The following CTNNA3 variants were observed in gnomAD, a reference collection of about 807,000 sequenced individuals.
CTNNA3 encodes catenin alpha 3.
In CTNNA3, 76 loss-of-function variants were observed where a neutral mutation model predicts 95.7. That is an observed-to-expected ratio of 0.79 (90% CI 0.66 to 0.96). CTNNA3 has a LOEUF of 0.96. Among genes scored for constraint, CTNNA3 ranks in the 40% least tolerant of loss-of-function variants. The probability of loss-of-function intolerance (pLI) is 0.00; values close to 1 mark genes in which losing one functional copy is unlikely to be tolerated. For missense variants in CTNNA3, 1,191 were observed against 1,089.8 expected (o/e 1.09, Z -1.31); for synonymous variants, 431 against 374.4 (o/e 1.15, Z -1.74).
At chr10:66,144,227 T>G (rs1282801631) in intron 13 of CTNNA3, among the ~76,000 whole-genome samples, 2 of 152,218 alleles carry the variant, frequency 1.3e-5, no homozygotes, top group African/African-American at 4.8e-5. Context: ...ATGCATTTTT[T>G]CTTAAATTGA....
intron 1 of CTNNA3, among the ~76,000 whole-genome samples, chr10:67,662,794 T>C (rs2133530083): frequency 6.6e-6 from 1 of 152,236 alleles, no homozygotes; most frequent in Admixed American, 6.5e-5. Flanking sequence ...TCTATAACTG[T>C]ATATGGTTGT....
chr10:66,961,159 A>C (rs1849090923), intron 7 of CTNNA3, among the ~76,000 whole-genome samples: 1 of 152,292 alleles, frequency 6.6e-6, no homozygotes, highest in African/African-American at 2.4e-5. Flanking sequence ...TTACGAACAT[A>C]AACATTATCT....
chr10:67,615,322 C>G (rs1455531930), intron 2 of CTNNA3, among the ~76,000 whole-genome samples: 1 of 152,188 alleles, frequency 6.6e-6, no homozygotes, highest in Non-Finnish European at 1.5e-5. Context: ...GATGGCATAA[C>G]AAAGCAAAGA....
intron 13 of CTNNA3, among the ~76,000 whole-genome samples, chr10:66,237,357 T>C (rs1463462956): frequency 2.6e-5 from 4 of 152,164 alleles, no homozygotes; most frequent in African/African-American, 7.2e-5. Flanking sequence ...GGGGAATTGT[T>C]GTATTTGAAA....
chr10:66,866,750 T>C (rs933928407), intron 7 of CTNNA3, among the ~76,000 whole-genome samples: 4 of 151,972 alleles, frequency 2.6e-5, no homozygotes, highest in African/African-American at 9.7e-5. Flanking sequence ...AGCAAAATTA[T>C]CCTAACTCAA....
At chr10:66,592,476 T>C (rs1843586256) in intron 10 of CTNNA3, among the ~76,000 whole-genome samples, 1 of 152,104 alleles carries the variant, frequency 6.6e-6, no homozygotes. Context: ...TTTTCCATCC[T>C]GGTCACAAAT....
At chr10:67,623,673 A>G (rs1843926579) in intron 2 of CTNNA3, among the ~76,000 whole-genome samples, 1 of 152,132 alleles carries the variant, frequency 6.6e-6, no homozygotes, top group Admixed American at 6.5e-5. Context: ...ACTGGGGCCC[A>G]TATGAGAGAG....
intron 11 of CTNNA3, among the ~76,000 whole-genome samples, chr10:66,472,379 T>C (rs1564996273): frequency 6.6e-6 from 1 of 151,870 alleles, no homozygotes; most frequent in East Asian, 1.9e-4. Flanking sequence ...ATCAGCCATA[T>C]GGTGAAGGGG....
chr10:67,014,309 T>C (rs1852519841), intron 7 of CTNNA3, among the ~76,000 whole-genome samples: 1 of 152,126 alleles, frequency 6.6e-6, no homozygotes, highest in Non-Finnish European at 1.5e-5. Flanking sequence ...AAATTGTAAT[T>C]TATGTCATTC....
chr10:67,398,703 G>A (rs186268463), intron 5 of CTNNA3, among the ~76,000 whole-genome samples: 8 of 152,212 alleles, frequency 5.3e-5, no homozygotes, highest in Admixed American at 2.0e-4. Flanking sequence ...TAATCCCCAC[G>A]TGTCATGGGA....
intron 5 of CTNNA3, among the ~76,000 whole-genome samples, chr10:67,363,622 A>T (rs1843084426): frequency 1.3e-5 from 2 of 151,818 alleles, no homozygotes; most frequent in Admixed American, 1.3e-4. Context: ...CAATAAAAAT[A>T]ATATAATAAT....
intron 12 of CTNNA3, among the ~76,000 whole-genome samples, chr10:66,327,727 TAGAA>T (rs1228892866): frequency 2.0e-5 from 3 of 152,038 alleles, no homozygotes; most frequent in Admixed American, 1.3e-4. Flanking sequence ...TATTGATATT[TAGAA>T]AGAGAGTGTG....
At chr10:67,278,223 T>C (rs369029711) in intron 5 of CTNNA3, among the ~76,000 whole-genome samples, 3 of 152,184 alleles carry the variant, frequency 2.0e-5, no homozygotes, top group Non-Finnish European at 2.9e-5. Flanking sequence ...CCTTTGATGA[T>C]GAAAAGAGTC....
At chr10:65,925,635 C>T (rs2077158137) in intron 17 of CTNNA3, among the ~76,000 whole-genome samples, 1 of 152,092 alleles carries the variant, frequency 6.6e-6, no homozygotes, top group Non-Finnish European at 1.5e-5. Context: ...CGGGTTTTCA[C>T]CATATTGGCT....
intron 11 of CTNNA3, among the ~76,000 whole-genome samples, chr10:66,413,965 A>T (rs770484149): frequency 1.3e-5 from 2 of 152,194 alleles, no homozygotes. Flanking sequence ...TGTGCATTAA[A>T]TCTTCACAGA....
chr10:66,411,065 A>G (rs974237435), intron 11 of CTNNA3, among the ~76,000 whole-genome samples: 4 of 152,198 alleles, frequency 2.6e-5, no homozygotes, highest in African/African-American at 9.6e-5. Flanking sequence ...CTCAACTTCA[A>G]TTTCTTCTGT....
intron 10 of CTNNA3, among the ~76,000 whole-genome samples, chr10:66,597,807 A>G (rs1342355350): frequency 6.6e-6 from 1 of 151,812 alleles, no homozygotes; most frequent in African/African-American, 2.4e-5. Flanking sequence ...AAAGATAAAG[A>G]CTTTTCCAGA....
intron 5 of CTNNA3, among the ~76,000 whole-genome samples, chr10:67,432,848 C>G (rs555332485): frequency 6.6e-6 from 1 of 152,008 alleles, no homozygotes; most frequent in Non-Finnish European, 1.5e-5. Flanking sequence ...TATAGTTTTT[C>G]TTTCTTGCAA....
chr10:67,467,577 T>C (rs1847644815), intron 5 of CTNNA3, among the ~76,000 whole-genome samples: 1 of 152,188 alleles, frequency 6.6e-6, no homozygotes. Flanking sequence ...ATATTTTCAT[T>C]CTAAATACTC....
Sources: allele counts gnomAD v4.1 joint callset (sites outside exome capture counted in the v4.1 genomes callset), GRCh38; gene constraint gnomAD v4.1.1; transcripts MANE v1.5; gene names NCBI Gene and HGNC (gene_info 2026-07-23, HGNC 2026-07-21).